The following PSMD8 variants were observed in gnomAD, a reference collection of about 807,000 sequenced individuals.
PSMD8 encodes 26S proteasome non-ATPase regulatory subunit 8.
In PSMD8, 30 loss-of-function variants were observed where a neutral mutation model predicts 40.0. The observed-to-expected ratio is 0.75, with a 90% CI of 0.56 to 1.02. The LOEUF is 1.02. Among genes scored for constraint, PSMD8 ranks in the 50% least tolerant of loss-of-function variants. PSMD8 has a pLI of 0.00. For synonymous variants in PSMD8, 208 were observed against 192.5 expected, an observed-to-expected ratio of 1.08 and a Z score of -0.67; for missense variants, 461 against 463.9, an observed-to-expected ratio of 0.99 and a Z score of 0.06.
rs1021715970 is a variant in PSMD8, at chr19:38,374,764, G to A, written c.163G>A (p.Gly55Ser). Residue 55 changes from glycine (G) to serine (S), a missense_variant, in exon 1 of 7, where the codon GGC becomes AGC. Around this residue, in one of 2 missense-constraint regions of PSMD8, gnomAD observed 225 missense variants for 142.7 expected, o/e 1.58. Transcript: ENST00000215071. ...SVCRRRCRKS[G>S]GLLAASRKMA... ...TTGTAGGCGGCGCTGCCGTAAATCA[G>A]GCGGTCTGCTTGCCGCATCACGCAA... is the stretch of plus-strand genomic sequence containing the variant. The A allele has an allele frequency of 3.2e-6, 5 of 1,564,690 alleles. No homozygotes were observed. The highest frequency in any genetic ancestry group is 4.3e-6 in the Non-Finnish European group (5 of 1,159,708).
Position 38,383,290 on chromosome 19 carries a change from T to C in PSMD8, c.953T>C (p.Phe318Ser). ...CTGGGCCCCAACAACTACTACAGTT[T>C]TGCCAGCCAGCAGCAGAAGCCGGAA... The part of the protein sequence containing the change: ...WVLGPNNYYS[F>S]ASQQQKPEDT... Residue 318 changes from phenylalanine to serine, a missense_variant, in exon 7 of 7, where the codon TTT (phenylalanine) becomes TCT (serine). Transcript: ENST00000215071. 1.9e-6 allele frequency: 3 copies of C among 1,613,382 alleles called. No homozygotes were observed. Among genetic ancestry groups the C allele is most frequent in the Non-Finnish European group, 2.5e-6 (3 of 1,179,858 alleles).
rs373728116 is a variant in PSMD8 at position 38,379,804 on chromosome 19, A to G, written c.702+399A>G. On this transcript the variant is annotated intron_variant, in intron 4 of 6. Transcript: ENST00000215071. ...TCACCTAAAAGGTGAAATTGGAGAA[A>G]GACTTGAAAAGGGTGAGGAACTGGC... 4.7e-4 allele frequency among the ~76,000 whole-genome samples: 72 copies of G among 152,278 alleles called. 1 individual carries two copies. In the South Asian group the frequency reaches 8.5e-3, roughly 18 times the overall value.
rs141110538 is a variant in PSMD8 at position 38,382,174 on chromosome 19, C to T, written c.861C>T (p.Ala287=). The T allele has an allele frequency of 1.9e-6, 3 of 1,595,120 alleles. No homozygotes were observed. Among genetic ancestry groups the T allele is most frequent in the Non-Finnish European group, 2.6e-6 (3 of 1,171,330 alleles). The change falls in exon 6 of 7, where the codon GCC becomes GCT. Residue 287 remains alanine, a synonymous_variant. Coordinates refer to ENST00000215071, the MANE Select transcript of PSMD8 (RefSeq NM_002812.5). ...ACGAGAAAATCCTTTTCACTGAGGCCACCCGGATCCTCTTCTTCAACACAC... is the reference window on the plus strand; with the variant it reads ...ACGAGAAAATCCTTTTCACTGAGGCTACCCGGATCCTCTTCTTCAACACAC... ...KAYEKILFTE[A]TRILFFNTPK... is the part of the protein sequence containing the mutation.
intron 1 of PSMD8, among the ~76,000 whole-genome samples, chr19:38,375,895 G>A (rs1970593610): frequency 6.6e-6 from 1 of 152,174 alleles, no homozygotes; most frequent in African/African-American, 2.4e-5. Context: ...CCCCACCGCC[G>A]CGTGATTCCA....
intron 3 of PSMD8, 26 bp downstream of exon 3, chr19:38,376,480 G>C (rs115685545): frequency 7.9e-6 from 12 of 1,509,940 alleles, no homozygotes; most frequent in African/African-American, 4.2e-5. Flanking sequence ...GCCCCCAACT[G>C]GGGGGGTGGT....
intron 1 of PSMD8, 155 bp downstream of exon 1, chr19:38,375,116 G>A: frequency 7.9e-7 from 1 of 1,263,760 alleles, no homozygotes; most frequent in Non-Finnish European, 1.1e-6. Context: ...ATTTGGAACA[G>A]CCAAAGTGGG....
intron 3 of PSMD8, among the ~76,000 whole-genome samples, chr19:38,376,859 T>C (rs771295039): frequency 5.3e-5 from 8 of 152,190 alleles, no homozygotes; most frequent in Non-Finnish European, 1.0e-4. Flanking sequence ...TGGCTTCCAA[T>C]GCAGTTCCAG....
At chr19:38,375,219 C>G (rs1600495221) in intron 1 of PSMD8, 1 of 541,656 alleles carries the variant, frequency 1.8e-6, no homozygotes, top group Non-Finnish European at 3.2e-6. Flanking sequence ...GGCGGGGGAG[C>G]GTCGCTTGAG....
chr19:38,376,797 A>C (rs1970601806), intron 3 of PSMD8, among the ~76,000 whole-genome samples: 1 of 152,198 alleles, frequency 6.6e-6, no homozygotes, highest in Admixed American at 6.5e-5. Flanking sequence ...CCCCGCTCAG[A>C]ACCTGCCGTG....
In PSMD8 at chr19:38,382,425, A is replaced by C. The variant is rs561229902; in HGVS notation, c.915+197A>C. On this transcript the variant is annotated intron_variant, in intron 6 of 6. Coordinates refer to ENST00000215071, the MANE Select transcript of PSMD8 (RefSeq NM_002812.5). ...GGGGCTAGATACATGGGATGAGCTTAGTACCTGGCAGCAGCTGGAGGTGGG... is the reference window on the plus strand; with the variant it reads ...GGGGCTAGATACATGGGATGAGCTTCGTACCTGGCAGCAGCTGGAGGTGGG... 23 of 601,656 alleles carry C rather than the reference A, an allele frequency of 3.8e-5. 1 individual carries two copies. In the South Asian group the frequency reaches 4.4e-4, roughly 11 times the overall value. 37.3% of individuals were successfully genotyped at this position (601,656 alleles called of 1,614,324 possible). A position where few individuals can be genotyped will look rare whatever the true frequency, so the allele number is the denominator to read the frequency against.
chr19:38,379,530 G>C, intron 4 of PSMD8, 125 bp downstream of exon 4: 1 of 1,079,808 alleles, frequency 9.3e-7, no homozygotes, highest in South Asian at 1.5e-5. Context: ...CCATCCTCTT[G>C]TTTGTCCAAC....
chr19:38,376,501 C>A, intron 3 of PSMD8, 47 bp downstream of exon 3: 1 of 1,460,760 alleles, frequency 6.8e-7, no homozygotes, highest in Non-Finnish European at 9.4e-7. Context: ...TGCATGGAAG[C>A]TCCTTTATTT....
chr19:38,375,124 G>C lies in PSMD8; in HGVS notation c.360+163G>C. On this transcript the variant is annotated intron_variant, in intron 1 of 6. Coordinates refer to ENST00000215071, the MANE Select transcript of PSMD8 (RefSeq NM_002812.5). The stretch of plus-strand genomic sequence containing the variant: ...GTGAAAGATTTGGAACAGCCAAAGT[G>C]GGGGCTCGGAGGGCGTCAAGAAGCG... 3.3e-6 allele frequency: 4 copies of C among 1,224,030 alleles called. No homozygotes were observed. In the South Asian group the frequency reaches 4.7e-5, roughly 14 times the overall value. 75.8% of individuals were successfully genotyped at this position (1,224,030 alleles called of 1,614,324 possible). A position where few individuals can be genotyped will look rare whatever the true frequency, so the allele number is the denominator to read the frequency against.
At chr19:38,376,953 G>A (rs992183794) in intron 3 of PSMD8, among the ~76,000 whole-genome samples, 1 of 152,214 alleles carries the variant, frequency 6.6e-6, no homozygotes, top group African/African-American at 2.4e-5. Context: ...GCTTGGAACT[G>A]TCTCAGTTAC....
Position 38,376,415 on chromosome 19 carries a change from G to A in PSMD8, c.497G>A (p.Arg166His), listed in dbSNP as rs779621667. The change falls in exon 3 of 7, where the codon CGC (arginine) becomes CAC (histidine). Residue 166 changes from arginine to histidine, a missense_variant. Arg to His is a conservative substitution (Grantham distance 29). Around this residue, in one of 2 missense-constraint regions of PSMD8, gnomAD observed 236 missense variants for 321.2 expected, o/e 0.73. Transcript: ENST00000215071. ...CGCAAGGACATCCCCTCCTTCGAGC[G>A]CTACATGGCCCAGCTCAAATGCTAC... The part of the protein sequence containing the change: ...ILRKDIPSFE[R>H]YMAQLKCYYF... 3.9e-6 allele frequency: 6 copies of A among 1,552,358 alleles called. No homozygotes were observed. The highest frequency in any genetic ancestry group is 4.4e-6 in the Non-Finnish European group (5 of 1,147,318).
Position 38,376,151 on chromosome 19 carries a change from C to T in PSMD8, c.361-9C>T. ...CTTTTCTTTCTTCCCTCCCTCCCCT[C>T]CCCATCAGCTAGTTCTTCTGGAGCT... On this transcript the variant is annotated splice_polypyrimidine_tract_variant and intron_variant, in intron 1 of 6. Coordinates refer to ENST00000215071, the MANE Select transcript of PSMD8 (RefSeq NM_002812.5). 6.3e-7 allele frequency: 1 copy of T among 1,579,902 alleles called. No homozygotes were observed. Among genetic ancestry groups the T allele is most frequent in the East Asian group, 2.2e-5 (1 of 44,602 alleles).
chr19:38,382,254 C>T (rs1414800990), intron 6 of PSMD8, 26 bp downstream of exon 6: 23 of 1,540,452 alleles, frequency 1.5e-5, no homozygotes, highest in South Asian at 3.6e-5. Context: ...GGCAAGGGGC[C>T]GTGGGACCAA....
At position 38,374,745 on chromosome 19, in the gene PSMD8, G is replaced by T; in HGVS notation, c.144G>T (p.Arg48Ser). 6.4e-7 allele frequency: 1 copy of T among 1,554,986 alleles called. No individual in the cohort carries two copies. Reference protein sequence around the residue: ...RPHFRRASVCRRRCRKSGGLL... With the variant: ...RPHFRRASVCSRRCRKSGGLL... The stretch of plus-strand genomic sequence containing the variant: ...ACTTCCGCCGGGCAAGCGTTTGTAG[G>T]CGGCGCTGCCGTAAATCAGGCGGTC... Residue 48 changes from arginine (R) to serine (S), a missense_variant, in exon 1 of 7, where the codon AGG (arginine) becomes AGT (serine). Physicochemically the swap from Arg to Ser is moderately radical, Grantham distance 110 (BLOSUM62 -1). This residue lies in a region of PSMD8 where 225 missense variants were observed against 142.7 expected (regional missense o/e 1.58). Coordinates refer to ENST00000215071, the MANE Select transcript of PSMD8 (RefSeq NM_002812.5).
intron 1 of PSMD8, chr19:38,375,318 C>T (rs1255683159): frequency 4.1e-6 from 1 of 244,260 alleles, no homozygotes; most frequent in African/African-American, 2.4e-5. Context: ...AATGGACCCA[C>T]GCGGGGGTGG....
Sources: gnomAD v4.1 joint callset for allele counts (sites outside exome capture counted in the v4.1 genomes callset) on GRCh38, gnomAD v4.1.1 for gene constraint, gnomAD v4.1.1 regional missense constraint, MANE v1.5 for transcripts, NCBI Gene and HGNC (gene_info 2026-07-23, HGNC 2026-07-21) for gene names.